Variants in RAD51B observed in about 807,000 individuals in gnomAD.
The protein encoded by RAD51B is RAD51 paralog B.
A neutral mutation model predicts 42.2 loss-of-function variants in RAD51B; 38 were observed. That is an observed-to-expected ratio of 0.90 (90% CI 0.70 to 1.18). The LOEUF (loss-of-function observed/expected upper bound fraction) is 1.18. RAD51B is among the 50% of genes most tolerant of loss of function. The probability of loss-of-function intolerance (pLI) is 0.00; values close to 1 mark genes in which losing one functional copy is unlikely to be tolerated. For missense variants in RAD51B, 373 were observed against 400.7 expected, an observed-to-expected ratio of 0.93 and a Z score of 0.59; for synonymous variants, 154 against 145.2, an observed-to-expected ratio of 1.06 and a Z score of -0.43.
chr14:68,473,389 G>A (rs1882255715), intron 10 of RAD51B, among the ~76,000 whole-genome samples: 1 of 152,208 alleles, frequency 6.6e-6, no homozygotes, highest in African/African-American at 2.4e-5. Flanking sequence ...CTCCTTTGCT[G>A]CTTCTGCCTG....
At chr14:68,026,875 T>C (rs2075964808) in intron 7 of RAD51B, among the ~76,000 whole-genome samples, 1 of 152,164 alleles carries the variant, frequency 6.6e-6, no homozygotes, top group South Asian at 2.1e-4. Context: ...ATTTTGATCC[T>C]GTCATCATAT....
intron 4 of RAD51B, among the ~76,000 whole-genome samples, chr14:67,840,533 G>A (rs1167006232): frequency 6.6e-6 from 1 of 152,156 alleles, no homozygotes; most frequent in Non-Finnish European, 1.5e-5. Context: ...ACTCTACCAT[G>A]GATGGGCACT....
At chr14:68,445,732 T>G (rs1386381967) in intron 9 of RAD51B, among the ~76,000 whole-genome samples, 2 of 152,228 alleles carry the variant, frequency 1.3e-5, no homozygotes, top group Non-Finnish European at 2.9e-5. Context: ...TAACTGGGTC[T>G]TGATGAGTTT....
chr14:67,845,822 C>G (rs1194030766), intron 4 of RAD51B, among the ~76,000 whole-genome samples: 2 of 152,170 alleles, frequency 1.3e-5, no homozygotes, highest in Non-Finnish European at 2.9e-5. Context: ...TTGTAGGTGA[C>G]TTGCCCCTTC....
chr14:68,618,605 T>A (rs1427942679), intron 10 of RAD51B, among the ~76,000 whole-genome samples: 1 of 152,202 alleles, frequency 6.6e-6, no homozygotes, highest in Non-Finnish European at 1.5e-5. Flanking sequence ...TCTCCTCTTT[T>A]TCCCCACCAG....
At chr14:67,933,785 G>T (rs186199231) in intron 7 of RAD51B, among the ~76,000 whole-genome samples, 2 of 152,106 alleles carry the variant, frequency 1.3e-5, no homozygotes, top group African/African-American at 4.8e-5. Context: ...AGTAATTTTG[G>T]TTCTTTCTGG....
At chr14:67,838,555 T>C (rs2041324128) in intron 4 of RAD51B, among the ~76,000 whole-genome samples, 1 of 152,034 alleles carries the variant, frequency 6.6e-6, no homozygotes, top group South Asian at 2.1e-4. Flanking sequence ...TGATCCTCCT[T>C]CCTCAGCCTC....
At chr14:68,471,647 A>G (rs2525507) in intron 10 of RAD51B, among the ~76,000 whole-genome samples, 21,261 of 150,332 alleles carry the variant, frequency 0.14, 1,854 homozygotes, top group Middle Eastern at 0.27. Context: ...GAGCCGGTCC[A>G]TGCTATTGTT....
intron 10 of RAD51B, among the ~76,000 whole-genome samples, chr14:68,581,820 A>G (rs1196674740): frequency 6.6e-6 from 1 of 152,174 alleles, no homozygotes; most frequent in Non-Finnish European, 1.5e-5. Flanking sequence ...ACATAGACAA[A>G]TGGAACAGAA....
At chr14:68,075,547 G>A (rs2076819240) in intron 7 of RAD51B, among the ~76,000 whole-genome samples, 1 of 152,172 alleles carries the variant, frequency 6.6e-6, no homozygotes, top group Non-Finnish European at 1.5e-5. Context: ...GGTGGCTGCG[G>A]TGTGCTGGAG....
chr14:68,503,212 G>T (rs918014261), intron 10 of RAD51B, among the ~76,000 whole-genome samples: 1 of 152,344 alleles, frequency 6.6e-6, no homozygotes, highest in East Asian at 1.9e-4. Flanking sequence ...GGTGGAGGGC[G>T]TAATGATGGG....
At chr14:67,918,096 A>G (rs930179338) in intron 7 of RAD51B, among the ~76,000 whole-genome samples, 5 of 152,244 alleles carry the variant, frequency 3.3e-5, no homozygotes, top group Non-Finnish European at 7.3e-5. Flanking sequence ...GAAATCTCCC[A>G]GAATATAAAA....
intron 7 of RAD51B, among the ~76,000 whole-genome samples, chr14:68,209,693 C>A (rs1385763700): frequency 6.6e-6 from 1 of 152,144 alleles, no homozygotes. Flanking sequence ...TCCTGCCCTT[C>A]GGATACACAT....
intron 10 of RAD51B, among the ~76,000 whole-genome samples, chr14:68,637,084 C>T (rs916884367): frequency 1.3e-5 from 2 of 151,914 alleles, no homozygotes; most frequent in Non-Finnish European, 1.5e-5. Context: ...TCACTCTTAA[C>T]AAACTTTTTT....
intron 8 of RAD51B, among the ~76,000 whole-genome samples, chr14:68,410,170 C>T (rs1395587199): frequency 6.6e-6 from 1 of 152,176 alleles, no homozygotes; most frequent in Non-Finnish European, 1.5e-5. Flanking sequence ...GCCAGTAACA[C>T]TGCGAGTTAG....
intron 10 of RAD51B, among the ~76,000 whole-genome samples, chr14:68,592,069 T>C (rs1890767783): frequency 6.6e-6 from 1 of 152,114 alleles, no homozygotes; most frequent in African/African-American, 2.4e-5. Context: ...GGTCAAGCCA[T>C]TCCTTCCAGA....
chr14:68,290,135 T>C (rs1425121225), intron 7 of RAD51B, among the ~76,000 whole-genome samples: 1 of 152,158 alleles, frequency 6.6e-6, no homozygotes, highest in Non-Finnish European at 1.5e-5. Flanking sequence ...AGCTGGATAA[T>C]AAAAAATGGA....
chr14:68,218,834 A>G (rs1039550911), intron 7 of RAD51B, among the ~76,000 whole-genome samples: 7 of 152,236 alleles, frequency 4.6e-5, no homozygotes, highest in Non-Finnish European at 1.0e-4. Context: ...GAGTGTATAT[A>G]TATTATCAAG....
At chr14:68,353,560 G>C (rs2082833819) in intron 8 of RAD51B, among the ~76,000 whole-genome samples, 1 of 152,198 alleles carries the variant, frequency 6.6e-6, no homozygotes, top group South Asian at 2.1e-4. Context: ...GGAAGACTCA[G>C]ACTGGCACTT....
Sources: gnomAD v4.1 joint callset for allele counts (sites outside exome capture counted in the v4.1 genomes callset) on GRCh38, gnomAD v4.1.1 for gene constraint, MANE v1.5 for transcripts, NCBI Gene and HGNC (gene_info 2026-07-23, HGNC 2026-07-21) for gene names.